The following GPC5 variants were observed in gnomAD, a reference collection of about 807,000 sequenced individuals.
GPC5 encodes the protein glypican-5.
In GPC5, 47 loss-of-function variants were observed where a neutral mutation model predicts 53.9. The observed-to-expected ratio is 0.87, with a 90% CI of 0.69 to 1.11. The LOEUF is 1.11. Among genes scored for constraint, GPC5 ranks in the 50% most tolerant of loss-of-function variants. The pLI, the probability that GPC5 is intolerant of heterozygous loss-of-function variation, is 0.00. For synonymous variants in GPC5, 286 were observed against 263.3 expected (o/e 1.09, Z -0.84); for missense variants, 748 against 713.1 (o/e 1.05, Z -0.56).
intron 7 of GPC5, among the ~76,000 whole-genome samples, chr13:92,467,088 A>G (rs1308951108): frequency 6.6e-6 from 1 of 152,126 alleles, no homozygotes; most frequent in Non-Finnish European, 1.5e-5. Flanking sequence ...CCATCTGTCA[A>G]TAATGCTTTG....
intron 7 of GPC5, among the ~76,000 whole-genome samples, chr13:92,487,308 A>C (rs1190628381): frequency 6.6e-6 from 1 of 152,198 alleles, no homozygotes; most frequent in Non-Finnish European, 1.5e-5. Context: ...GACAAATGAC[A>C]ACCATGTTAT....
chr13:91,600,166 C>A (rs1343628223), intron 2 of GPC5, among the ~76,000 whole-genome samples: 1 of 152,144 alleles, frequency 6.6e-6, no homozygotes, highest in Non-Finnish European at 1.5e-5. Flanking sequence ...CACAATACAC[C>A]CGCCTTGGCC....
chr13:92,272,843 C>T (rs1264934042), intron 7 of GPC5, among the ~76,000 whole-genome samples: 1 of 152,090 alleles, frequency 6.6e-6, no homozygotes, highest in African/African-American at 2.4e-5. Flanking sequence ...CTATAGAACA[C>T]ATTAGAAAAC....
intron 7 of GPC5, among the ~76,000 whole-genome samples, chr13:92,861,499 T>A (rs537262536): frequency 4.3e-4 from 65 of 152,262 alleles, no homozygotes; most frequent in African/African-American, 1.4e-3. Context: ...TGAAGAAGAC[T>A]TTCCCTTTTT....
chr13:92,217,590 G>T (rs947311349), intron 7 of GPC5, among the ~76,000 whole-genome samples: 2 of 152,190 alleles, frequency 1.3e-5, no homozygotes, highest in Admixed American at 1.3e-4. Flanking sequence ...GCCGTATTCA[G>T]AGTGGAGCCC....
chr13:92,096,748 T>C (rs2041425341), intron 6 of GPC5, among the ~76,000 whole-genome samples: 1 of 152,222 alleles, frequency 6.6e-6, no homozygotes, highest in Admixed American at 6.5e-5. Flanking sequence ...TGTTGGTATG[T>C]TGTTCTTGGC....
chr13:91,992,278 C>T (rs1313726378), intron 6 of GPC5, among the ~76,000 whole-genome samples: 1 of 152,064 alleles, frequency 6.6e-6, no homozygotes, highest in Non-Finnish European at 1.5e-5. Flanking sequence ...ATCCATCCTC[C>T]CACCTCAGCC....
At chr13:92,364,816 G>T (rs1035291668) in intron 7 of GPC5, among the ~76,000 whole-genome samples, 1 of 151,590 alleles carries the variant, frequency 6.6e-6, no homozygotes. Flanking sequence ...TCCAATAAAG[G>T]ATTTAGCATT....
At chr13:91,736,443 T>C (rs1285824653) in intron 4 of GPC5, among the ~76,000 whole-genome samples, 1 of 151,398 alleles carries the variant, frequency 6.6e-6, no homozygotes, top group Non-Finnish European at 1.5e-5. Flanking sequence ...CAATCTTTTT[T>C]TTGCCATCTC....
intron 1 of GPC5, among the ~76,000 whole-genome samples, chr13:91,446,702 C>G (rs576507370): frequency 3.1e-4 from 47 of 152,268 alleles, no homozygotes; most frequent in African/African-American, 1.1e-3. Context: ...ATAGCTCTTT[C>G]CCTGAGGATT....
intron 7 of GPC5, among the ~76,000 whole-genome samples, chr13:92,296,697 CG>C (rs1426759521): frequency 2.6e-5 from 4 of 152,154 alleles, no homozygotes; most frequent in African/African-American, 7.2e-5. Context: ...GGGCTGCGTG[CG>C]GCGCTTGCGG....
rs543417639 is a variant in GPC5 at position 92,448,890 on chromosome 13, CCA to C, written c.1561+303906_1561+303907del. ...AAGAGAAATTCTTCATTAAAGAAGC[CCA>C]CACAGTTATACCCCACAAAAAGCTA... On this transcript the variant is annotated intron_variant, in intron 7 of 7. Transcript: ENST00000377067. The C allele has an allele frequency of 5.9e-4, 88 of 149,956 alleles. 3 individuals are homozygous for C. The highest frequency in any genetic ancestry group is 2.0e-3 in the African/African-American group (82 of 40,628). 9.3% of individuals were successfully genotyped at this position (149,956 alleles called of 1,614,324 possible).
intron 7 of GPC5, among the ~76,000 whole-genome samples, chr13:92,328,276 G>A (rs1231148900): frequency 6.6e-6 from 1 of 152,120 alleles, no homozygotes; most frequent in East Asian, 1.9e-4. Flanking sequence ...AATGGAGTAT[G>A]GCAACAGAAA....
intron 6 of GPC5, among the ~76,000 whole-genome samples, chr13:92,120,430 A>T (rs2041639472): frequency 1.3e-5 from 2 of 151,982 alleles, no homozygotes; most frequent in African/African-American, 2.4e-5. Flanking sequence ...GCTATTTTTT[A>T]AAATTTTTTT....
At chr13:92,167,273 A>G (rs2042038373) in intron 7 of GPC5, among the ~76,000 whole-genome samples, 1 of 152,158 alleles carries the variant, frequency 6.6e-6, no homozygotes, top group African/African-American at 2.4e-5. Flanking sequence ...AATATTTACA[A>G]CGCTTAAGTA....
At chr13:92,837,414 G>A (rs1187593455) in intron 7 of GPC5, among the ~76,000 whole-genome samples, 1 of 152,086 alleles carries the variant, frequency 6.6e-6, no homozygotes, top group Non-Finnish European at 1.5e-5. Flanking sequence ...TCAGACAGGG[G>A]AAGGTCTTAA....
intron 6 of GPC5, among the ~76,000 whole-genome samples, chr13:92,044,062 T>C (rs753189413): frequency 2.0e-4 from 30 of 152,182 alleles, no homozygotes; most frequent in Admixed American, 1.6e-3. Flanking sequence ...TTGACAGTTA[T>C]GTTTAGTTCA....
intron 6 of GPC5, among the ~76,000 whole-genome samples, chr13:92,142,562 A>G (rs562417947): frequency 6.6e-6 from 1 of 152,366 alleles, no homozygotes; most frequent in Admixed American, 6.5e-5. Context: ...TTTAACAATA[A>G]TTACAAATAA....
intron 7 of GPC5, among the ~76,000 whole-genome samples, chr13:92,737,927 T>A (rs1888983845): frequency 2.0e-5 from 3 of 151,534 alleles, no homozygotes; most frequent in African/African-American, 7.3e-5. Flanking sequence ...TCACCATGCC[T>A]GCCTAATTTT....
Sources: allele counts gnomAD v4.1 joint callset (sites outside exome capture counted in the v4.1 genomes callset), GRCh38; gene constraint gnomAD v4.1.1; transcripts MANE v1.5; gene names NCBI Gene and HGNC (gene_info 2026-07-23, HGNC 2026-07-21).